Variants in FMO4 observed in about 807,000 individuals in gnomAD.
FMO4 encodes the protein flavin containing dimethylaniline monoxygenase 4, also known as dimethylaniline monooxygenase [N-oxide-forming] 4.
A neutral mutation model predicts 43.3 loss-of-function variants in FMO4; 38 were observed. That is an observed-to-expected ratio of 0.88 (90% CI 0.68 to 1.15). The LOEUF is 1.15. Among genes scored for constraint, FMO4 ranks in the 50% most tolerant of loss-of-function variants. FMO4 has a pLI of 0.00. For missense variants in FMO4, 631 were observed against 663.3 expected (o/e 0.95, Z 0.54); for synonymous variants, 224 against 232.2 (o/e 0.96, Z 0.32).
chr1:171,322,265 A>C (rs1045227057), intron 3 of FMO4, among the ~76,000 whole-genome samples: 1 of 152,186 alleles, frequency 6.6e-6, no homozygotes, highest in East Asian at 1.9e-4. Flanking sequence ...GGAGACAATA[A>C]TGAGAAAAAT....
rs1438448977 is a variant in FMO4 at position 171,319,923 on chromosome 1, G to A, written c.98G>A (p.Arg33Lys). ...GACCTGGAGCCCACCTGCTTTGAGA[G>A]AAGTGATGACATTGGGGGATTATGG... ...DEDLEPTCFE[R>K]SDDIGGLWKF... The change falls in exon 3 of 10, where the codon AGA becomes AAA. Residue 33 changes from arginine (R) to lysine (K), a missense_variant. Coordinates refer to ENST00000367749, the MANE Select transcript of FMO4 (RefSeq NM_002022.3). 3 of 1,613,954 alleles carry A rather than the reference G, an allele frequency of 1.9e-6. No homozygotes were observed. Among genetic ancestry groups the A allele is most frequent in the Non-Finnish European group, 1.7e-6 (2 of 1,179,836 alleles).
In FMO4 at chr1:171,341,510, C is replaced by G; in HGVS notation, c.1348C>G (p.Leu450Val). The change falls in exon 10 of 10, where the codon CTG becomes GTG. Residue 450 changes from leucine to valine, a missense_variant. By Grantham distance (32) the Leu-to-Val change is conservative. Coordinates refer to ENST00000367749, the MANE Select transcript of FMO4 (RefSeq NM_002022.3). ...AGGCACAAAGCCCAGCATCCCACTT[C>G]TGTTCCTCAAGGATCCCAGACTAGC... ...CIGTKPSIPL[L>V]FLKDPRLAWE... The G allele has an allele frequency of 6.2e-7, 1 of 1,614,052 alleles. No individual in the cohort carries two copies. Among genetic ancestry groups the G allele is most frequent in the Non-Finnish European group, 8.5e-7 (1 of 1,179,952 alleles).
rs748614732 is a variant in FMO4, at chr1:171,337,437, A to G, written c.1250+12A>G. The G allele has an allele frequency of 2.8e-5, 44 of 1,582,254 alleles. No homozygotes were observed. Among genetic ancestry groups the G allele is most frequent in the Admixed American group, 5.0e-5 (3 of 59,920 alleles). On this transcript the variant is annotated intron_variant, in intron 9 of 9. Coordinates refer to ENST00000367749, the MANE Select transcript of FMO4 (RefSeq NM_002022.3). ...CAGCTCATTAAAAGGTATGAAATGT[A>G]GCTTGCTCTAGGGCAAACTTACAGT... is the stretch of plus-strand genomic sequence containing the variant.
At position 171,336,409 on chromosome 1, in the gene FMO4, A is replaced by G. The variant is rs143512663; in HGVS notation, c.1181-947A>G. Among the ~76,000 whole-genome samples the G allele has an allele frequency of 3.6e-3, 545 of 152,236 alleles. 3 individuals are homozygous for G. Among genetic ancestry groups the G allele is most frequent in the African/African-American group, 0.013 (521 of 41,544 alleles). ...AGGGTGCAAGCTGTTAAGGGAGAATAAGGTTTAGAATTCAGAAAAACAAGA... is the reference window on the plus strand; with the variant it reads ...AGGGTGCAAGCTGTTAAGGGAGAATGAGGTTTAGAATTCAGAAAAACAAGA... On this transcript the variant is annotated intron_variant, in intron 8 of 9. Transcript: ENST00000367749.
At chr1:171,315,664 A>C (rs763819205) in intron 1 of FMO4, among the ~76,000 whole-genome samples, 1 of 152,198 alleles carries the variant, frequency 6.6e-6, no homozygotes, top group Non-Finnish European at 1.5e-5. Context: ...CTACTGACTC[A>C]AGGCAAAATT....
At chr1:171,320,656 G>A (rs541536401) in intron 3 of FMO4, among the ~76,000 whole-genome samples, 20 of 152,282 alleles carry the variant, frequency 1.3e-4, no homozygotes, top group Middle Eastern at 3.4e-3. Context: ...AGGGTATCCA[G>A]TAGGGACTGA....
intron 7 of FMO4, among the ~76,000 whole-genome samples, chr1:171,333,939 T>C (rs1350191601): frequency 6.6e-6 from 1 of 152,140 alleles, no homozygotes; most frequent in Non-Finnish European, 1.5e-5. Context: ...TTCTCCTGCC[T>C]CAGCCTCCCA....
At chr1:171,323,292 A>G in intron 4 of FMO4, 100 bp downstream of exon 4, 1 of 738,226 alleles carries the variant, frequency 1.4e-6, no homozygotes, top group Admixed American at 2.7e-5. Flanking sequence ...TATTGATTTT[A>G]TCTCCAAATA....
rs142750839 is a variant in FMO4 at position 171,315,610 on chromosome 1, T to G, written c.-150-576T>G. On this transcript the variant is annotated intron_variant, in intron 1 of 9. Coordinates refer to ENST00000367749, the MANE Select transcript of FMO4 (RefSeq NM_002022.3). ...AGCTGCTTAGAGGCAGAAGCAGAAC[T>G]AGAACTCAGATCTCTCAATTTCCAG... is the stretch of plus-strand genomic sequence containing the variant. Among the ~76,000 whole-genome samples, 15 of 152,314 alleles carry G rather than the reference T, an allele frequency of 9.8e-5. 1 individual carries two copies. The highest frequency in any genetic ancestry group is 2.6e-4 in the African/African-American group (11 of 41,576).
chr1:171,319,669 G>A, intron 2 of FMO4, 149 bp from the exon 3 acceptor site: 1 of 635,580 alleles, frequency 1.6e-6, no homozygotes, highest in East Asian at 2.8e-5. Context: ...TCTGATTTCA[G>A]AGCCTGGATT....
At chr1:171,334,179 C>T (rs1663016068) in intron 7 of FMO4, among the ~76,000 whole-genome samples, 1 of 152,124 alleles carries the variant, frequency 6.6e-6, no homozygotes, top group Non-Finnish European at 1.5e-5. Context: ...GAGTTTTAAA[C>T]CCCAAGCAAG....
At chr1:171,314,586 G>A (rs1478147978) in intron 1 of FMO4, among the ~76,000 whole-genome samples, 173 bp downstream of exon 1, 1 of 152,102 alleles carries the variant, frequency 6.6e-6, no homozygotes, top group Non-Finnish European at 1.5e-5. Flanking sequence ...GGAAGCAAAG[G>A]GAAGTTGTAA....
intron 3 of FMO4, among the ~76,000 whole-genome samples, chr1:171,321,305 C>T (rs1662413308): frequency 6.6e-6 from 1 of 152,010 alleles, no homozygotes; most frequent in African/African-American, 2.4e-5. Flanking sequence ...AATGTAATTT[C>T]TCTCAGTCAT....
rs191010605 is a variant in FMO4 at position 171,337,482 on chromosome 1, G to C, written c.1250+57G>C. Reference sequence around the variant, plus strand: ...TACAGTATATTCTGTTACAAAAAAAGGATTCAGAGTATAAAAGCCATTCCT... The same window carrying C: ...TACAGTATATTCTGTTACAAAAAAACGATTCAGAGTATAAAAGCCATTCCT... On this transcript the variant is annotated intron_variant, in intron 9 of 9. Transcript: ENST00000367749. 2.1e-4 allele frequency: 250 copies of C among 1,217,716 alleles called. 2 individuals are homozygous for C. The East Asian group carries it at 4.6e-3, about 22-fold the overall frequency. The allele number at this position is 1,217,716 out of a possible 1,614,324, so 75.4% of individuals were successfully genotyped here. A position where few individuals can be genotyped will look rare whatever the true frequency, so the allele number is the denominator to read the frequency against.
At chr1:171,324,351 A>C (rs570928915) in intron 5 of FMO4, 51 bp downstream of exon 5, 2 of 1,434,788 alleles carry the variant, frequency 1.4e-6, no homozygotes, top group South Asian at 2.8e-5. Context: ...TTCTTCTAGA[A>C]GTAAACTTAT....
At chr1:171,340,116 T>C (rs1050552434) in intron 9 of FMO4, among the ~76,000 whole-genome samples, 6 of 152,176 alleles carry the variant, frequency 3.9e-5, no homozygotes, top group South Asian at 2.1e-4. Context: ...GGAGATATTA[T>C]AAGGGACAGC....
Position 171,319,921 on chromosome 1 carries a change from GA to G in FMO4, c.97del (p.Arg33GlufsTer19). 1 of 1,613,926 alleles carries G rather than the reference GA, an allele frequency of 6.2e-7. No homozygotes were observed. The highest frequency in any genetic ancestry group is 8.5e-7 in the Non-Finnish European group (1 of 1,179,828). On this transcript the variant is annotated frameshift_variant, in exon 3 of 10. Transcript: ENST00000367749. LOFTEE classifies it high-confidence loss of function. ...AGGACCTGGAGCCCACCTGCTTTGAGAGAAGTGATGACATTGGGGGATTATG... is the reference window on the plus strand; with the variant it reads ...AGGACCTGGAGCCCACCTGCTTTGAGGAAGTGATGACATTGGGGGATTATG... ...DEDLEPTCFE[R>X]SDDIGGLWKF... is the part of the protein sequence containing the mutation.
chr1:171,325,841 TTTTTTTTTTTTTTTTTTTTTTTTTG>T, intron 5 of FMO4, among the ~76,000 whole-genome samples: 2 of 83,232 alleles, frequency 2.4e-5, no homozygotes, highest in African/African-American at 9.4e-5. Flanking sequence ...TTTTTTTTTT[TTTTTTTTTTTTTTTTTTTTTTTTTG>T]AGACAGGGTC....
chr1:171,334,322 G>T, intron 7 of FMO4, 89 bp from the exon 8 acceptor site: 1 of 759,700 alleles, frequency 1.3e-6, no homozygotes, highest in East Asian at 2.7e-5. Context: ...AGCTTGGCAG[G>T]TAATTTCCCT....
Sources: allele counts gnomAD v4.1 joint callset (sites outside exome capture counted in the v4.1 genomes callset), GRCh38; gene constraint gnomAD v4.1.1; transcripts MANE v1.5; gene names NCBI Gene and HGNC (gene_info 2026-07-23, HGNC 2026-07-21).